MGST2: variants seen among roughly 807,000 people sequenced by gnomAD.
MGST2 encodes microsomal glutathione S-transferase 2, also known as glutathione peroxidase MGST2.
MGST2 carries 9 observed loss-of-function variants against 16.6 expected under a neutral mutation model. That is an observed-to-expected ratio of 0.54 (90% CI 0.33 to 0.95). MGST2 has a LOEUF of 0.95. MGST2 is among the 40% of genes least tolerant of loss of function. MGST2 has a pLI of 0.03. For missense variants in MGST2, 159 were observed against 175.1 expected (o/e 0.91, Z 0.52); for synonymous variants, 79 against 68.0 (o/e 1.16, Z -0.79).
At chr4:139,725,213 T>C (rs1422005199) in intron 5 of MGST2, among the ~76,000 whole-genome samples, 3 of 152,168 alleles carry the variant, frequency 2.0e-5, no homozygotes, top group Non-Finnish European at 4.4e-5. Context: ...TCAATCAGCC[T>C]CAAGGCCCTA....
At chr4:139,709,071 A>AATTTTT (rs755140695), downstream of MGST2, among the ~76,000 whole-genome samples, 70 of 82,032 alleles carry the variant, frequency 8.5e-4, 2 homozygotes, top group Non-Finnish European at 1.2e-3. Flanking sequence ...AATGGAAAAA[A>AATTTTT]TTTTTTTTTT....
At chr4:139,705,200 C>T (rs1487013067), downstream of MGST2, among the ~76,000 whole-genome samples, 1 of 152,136 alleles carries the variant, frequency 6.6e-6, no homozygotes, top group African/African-American at 2.4e-5. Flanking sequence ...CTTTATATTG[C>T]AAGTCAACTC....
intron 1 of MGST2, among the ~76,000 whole-genome samples, chr4:139,674,024 A>T (rs1002724573): frequency 2.6e-5 from 4 of 152,222 alleles, no homozygotes; most frequent in Non-Finnish European, 5.9e-5. Flanking sequence ...TGGTTAAGGG[A>T]GCAAGGCTTT....
chr4:139,691,697 G>T (rs201592606), intron 2 of MGST2, among the ~76,000 whole-genome samples: 55,388 of 136,696 alleles, frequency 0.41, 10,946 homozygotes, highest in East Asian at 0.7. Context: ...TGATGATGAT[G>T]ATTATTATTA....
chr4:139,732,508 G>C (rs1381892831), intron 5 of MGST2, among the ~76,000 whole-genome samples: 1 of 151,596 alleles, frequency 6.6e-6, no homozygotes, highest in East Asian at 1.9e-4. Flanking sequence ...GCTCTGGTTT[G>C]TTCGTGCAGT....
chr4:139,752,692 A>G, the MGST2 span, among the ~76,000 whole-genome samples: 1 of 152,204 alleles, frequency 6.6e-6, no homozygotes, highest in Admixed American at 6.5e-5. Context: ...CTCCCGAGAG[A>G]GCATGTGTAC....
At chr4:139,701,910 T>A (rs1013563510) in intron 3 of MGST2, among the ~76,000 whole-genome samples, 3 of 151,766 alleles carry the variant, frequency 2.0e-5, no homozygotes, top group African/African-American at 7.3e-5. Context: ...AAAGCTGTGC[T>A]GAGCTGTGAT....
intron 2 of MGST2, among the ~76,000 whole-genome samples, chr4:139,680,918 G>A (rs1480217631): frequency 6.6e-6 from 1 of 152,286 alleles, no homozygotes; most frequent in Middle Eastern, 3.4e-3. Context: ...ACTGTCCCGA[G>A]ATGTTAATAG....
At position 139,666,332 on chromosome 4, in the gene MGST2, G is replaced by A. The variant is rs139138507; in HGVS notation, c.58+255G>A. Among the ~76,000 whole-genome samples the A allele has an allele frequency of 3.9e-3, 589 of 152,148 alleles. 2 individuals carry two copies. The highest frequency in any genetic ancestry group is 5.6e-3 in the Non-Finnish European group (382 of 68,004). ...AGTTCTCCCAACTGGAACGCTGTGGGGCCTCAGAGCTCAGCGATTCTGCAT... is the reference window on the plus strand; with the variant it reads ...AGTTCTCCCAACTGGAACGCTGTGGAGCCTCAGAGCTCAGCGATTCTGCAT... On this transcript the variant is annotated intron_variant, in intron 1 of 4. Transcript: ENST00000265498.
At chr4:139,706,239 C>A (rs552854258), downstream of MGST2, among the ~76,000 whole-genome samples, 1 of 152,218 alleles carries the variant, frequency 6.6e-6, no homozygotes, top group African/African-American at 2.4e-5. Context: ...AGCTCAGGTT[C>A]CCCTACTCAT....
chr4:139,745,294 GGAGCCA>G (rs1315885797), downstream of MGST2, among the ~76,000 whole-genome samples: 1 of 60,182 alleles, frequency 1.7e-5, no homozygotes, highest in Non-Finnish European at 5.0e-5. Context: ...CCGTCCATCA[GGAGCCA>G]CAGCAGGTTC....
chr4:139,727,247 G>A (rs1728509835), intron 5 of MGST2, among the ~76,000 whole-genome samples: 1 of 152,180 alleles, frequency 6.6e-6, no homozygotes, highest in Admixed American at 6.5e-5. Context: ...CTACCATAAT[G>A]TTCTACAGAA....
At chr4:139,713,504 A>T (rs1444829900) in intron 5 of MGST2, among the ~76,000 whole-genome samples, 1 of 151,828 alleles carries the variant, frequency 6.6e-6, no homozygotes, top group African/African-American at 2.4e-5. Flanking sequence ...AAAAGGAGAA[A>T]AATAATTCAG....
the MGST2 span, among the ~76,000 whole-genome samples, chr4:139,749,607 G>A: frequency 2.0e-5 from 3 of 152,206 alleles, no homozygotes; most frequent in African/African-American, 4.8e-5. Context: ...GTCAGAACAC[G>A]TGAAAGGACT....
intron 5 of MGST2, among the ~76,000 whole-genome samples, chr4:139,738,814 G>C (rs540157714): frequency 4.6e-5 from 7 of 152,196 alleles, no homozygotes; most frequent in African/African-American, 1.7e-4. Flanking sequence ...TTAATATTTT[G>C]ATGTGTTTTT....
At chr4:139,670,169 G>A (rs1730596596) in intron 1 of MGST2, among the ~76,000 whole-genome samples, 1 of 150,630 alleles carries the variant, frequency 6.6e-6, no homozygotes, top group Admixed American at 6.7e-5. Context: ...GAGACAGGAG[G>A]CAGTGGAGAG....
rs1728893243 is a variant in MGST2 at position 139,735,384 on chromosome 4, G to A, written c.*49-4828G>A. ...TTTTCTTCCAGCCGGAGGGGAGGAA[G>A]AATTCAAGTGGGGGAGGGCGCGGGA... On this transcript the variant is annotated intron_variant, in intron 5 of 5. Coordinates refer to the MGST2 transcript ENST00000616265. This position sits in a 1 kb window ranked among gnomAD's most constrained non-coding sequence, Gnocchi z 5.8. Among the ~76,000 whole-genome samples the A allele has an allele frequency of 6.6e-6, 1 of 151,244 alleles. No homozygotes were observed. The highest frequency in any genetic ancestry group is 1.5e-5 in the Non-Finnish European group (1 of 67,854).
chr4:139,689,223 G>T (rs531930375), intron 2 of MGST2, among the ~76,000 whole-genome samples: 1 of 152,178 alleles, frequency 6.6e-6, no homozygotes, highest in East Asian at 1.9e-4. Context: ...ACATAATCCG[G>T]GAGATTCTCC....
At chr4:139,723,686 A>G (rs1206285077) in intron 5 of MGST2, among the ~76,000 whole-genome samples, 1 of 152,196 alleles carries the variant, frequency 6.6e-6, no homozygotes, top group Non-Finnish European at 1.5e-5. Context: ...ACACAGGGGA[A>G]TTATTAAATA....
Sources: gnomAD v4.1 joint callset for allele counts (sites outside exome capture counted in the v4.1 genomes callset) on GRCh38, gnomAD v4.1.1 for gene constraint, Gnocchi (gnomAD v3.1) non-coding constraint, MANE v1.5 for transcripts, NCBI Gene and HGNC (gene_info 2026-07-23, HGNC 2026-07-21) for gene names.